Variants in RBFOX1 observed in about 807,000 individuals in gnomAD.
RBFOX1 encodes the protein RNA binding fox-1 homolog 1, also known as RNA binding protein fox-1 homolog 1.
RBFOX1 carries 8 observed loss-of-function variants against 57.7 expected under a neutral mutation model. That is an observed-to-expected ratio of 0.14 (90% CI 0.08 to 0.25). The LOEUF is 0.25. Ranked by LOEUF, RBFOX1 falls within the 10% of genes least tolerant of loss-of-function variation. The pLI, the probability that RBFOX1 is intolerant of heterozygous loss-of-function variation, is 1.00. For synonymous variants in RBFOX1, 326 were observed against 222.4 expected (o/e 1.47, Z -4.15); for missense variants, 611 against 548.5 (o/e 1.11, Z -1.14).
At chr16:6,211,692 G>A (rs1396679183) in intron 1 of RBFOX1, among the ~76,000 whole-genome samples, 1 of 152,114 alleles carries the variant, frequency 6.6e-6, no homozygotes, top group East Asian at 1.9e-4. Flanking sequence ...CTATCTTTGA[G>A]TTTAGGATAG....
chr16:7,024,237 G>T (rs747881828), intron 3 of RBFOX1, among the ~76,000 whole-genome samples: 1 of 151,998 alleles, frequency 6.6e-6, no homozygotes, highest in African/African-American at 2.4e-5. Flanking sequence ...CACTCATATC[G>T]TGCTCTGGAC....
intron 3 of RBFOX1, among the ~76,000 whole-genome samples, chr16:5,682,472 T>C (rs903947128): frequency 6.6e-6 from 1 of 152,198 alleles, no homozygotes; most frequent in African/African-American, 2.4e-5. Flanking sequence ...AATCGGTCCG[T>C]CTAGGTTTCT....
intron 1 of RBFOX1, among the ~76,000 whole-genome samples, chr16:6,195,573 G>A (rs2097174589): frequency 6.6e-6 from 1 of 152,068 alleles, no homozygotes; most frequent in South Asian, 2.1e-4. Context: ...CAAAAAATTA[G>A]CCAGGCGTGG....
intron 4 of RBFOX1, among the ~76,000 whole-genome samples, chr16:7,371,060 C>G (rs987550881): frequency 6.6e-6 from 1 of 152,156 alleles, no homozygotes; most frequent in Admixed American, 6.5e-5. Context: ...TTCTCCTCTC[C>G]TCTAAGCACC....
chr16:7,465,125 T>C (rs563935935), intron 4 of RBFOX1, among the ~76,000 whole-genome samples: 1 of 152,332 alleles, frequency 6.6e-6, no homozygotes, highest in African/African-American at 2.4e-5. Flanking sequence ...AGTTATTTTC[T>C]ACGTCAGGGG....
At chr16:5,808,343 C>G (rs1043265468) in intron 3 of RBFOX1, among the ~76,000 whole-genome samples, 2 of 152,168 alleles carry the variant, frequency 1.3e-5, no homozygotes, top group Non-Finnish European at 2.9e-5. Context: ...AGTTTGAAGT[C>G]AGGTAGCTTG....
At chr16:7,249,304 G>C (rs1027826790) in intron 4 of RBFOX1, among the ~76,000 whole-genome samples, 2 of 151,892 alleles carry the variant, frequency 1.3e-5, no homozygotes, top group Non-Finnish European at 2.9e-5. Context: ...GATGAACCCT[G>C]AAAGTGGTGC....
At chr16:6,923,975 TC>T (rs1170684183) in intron 3 of RBFOX1, among the ~76,000 whole-genome samples, 3 of 151,600 alleles carry the variant, frequency 2.0e-5, no homozygotes, top group African/African-American at 7.3e-5. Flanking sequence ...TTTGAGACCA[TC>T]CTGGCCAACA....
chr16:5,524,110 G>A (rs1421281855), intron 2 of RBFOX1, among the ~76,000 whole-genome samples: 1 of 152,206 alleles, frequency 6.6e-6, no homozygotes, highest in Admixed American at 6.5e-5. Flanking sequence ...AGCCTCACAG[G>A]ATGCAATAAA....
intron 3 of RBFOX1, among the ~76,000 whole-genome samples, chr16:6,805,855 T>A (rs1157388417): frequency 6.6e-6 from 1 of 152,180 alleles, no homozygotes; most frequent in Non-Finnish European, 1.5e-5. Flanking sequence ...CTCCTTACAG[T>A]CACACTTGGC....
chr16:7,653,623 A>T (rs2065595427), intron 11 of RBFOX1, among the ~76,000 whole-genome samples, 192 bp from the exon 12 acceptor site: 1 of 152,078 alleles, frequency 6.6e-6, no homozygotes, highest in African/African-American at 2.4e-5. Flanking sequence ...TGTGTTAACT[A>T]CTCATCCTCT....
chr16:6,893,187 G>C (rs1335317235), intron 3 of RBFOX1, among the ~76,000 whole-genome samples: 1 of 152,058 alleles, frequency 6.6e-6, no homozygotes, highest in Non-Finnish European at 1.5e-5. Context: ...AGTGGAGTGA[G>C]TTTACAGGAA....
chr16:7,181,210 T>C (rs541272079), intron 4 of RBFOX1, among the ~76,000 whole-genome samples: 4 of 151,994 alleles, frequency 2.6e-5, no homozygotes, highest in South Asian at 2.1e-4. Flanking sequence ...ACAATCTCTC[T>C]AGATGTTAAA....
chr16:5,726,808 T>G (rs1446744147), intron 3 of RBFOX1, among the ~76,000 whole-genome samples: 1 of 152,222 alleles, frequency 6.6e-6, no homozygotes, highest in Non-Finnish European at 1.5e-5. Context: ...CTTTGCCCCT[T>G]TACACATTGA....
At chr16:7,224,156 A>AAT (rs1263506201) in intron 4 of RBFOX1, among the ~76,000 whole-genome samples, 1 of 147,606 alleles carries the variant, frequency 6.8e-6, no homozygotes, top group Non-Finnish European at 1.5e-5. Context: ...AAAAAAAAAA[A>AAT]GGCTCAGTTG....
At chr16:6,006,015 T>C (rs1351319388) in intron 4 of RBFOX1, among the ~76,000 whole-genome samples, 1 of 152,166 alleles carries the variant, frequency 6.6e-6, no homozygotes, top group Non-Finnish European at 1.5e-5. Context: ...GAGAGTCTTG[T>C]ATGGTAAGCA....
intron 3 of RBFOX1, among the ~76,000 whole-genome samples, chr16:5,846,687 G>C (rs4786783): frequency 0.2 from 30,149 of 152,074 alleles, 3,461 homozygotes; most frequent in African/African-American, 0.31. Flanking sequence ...CTTCCAGCTG[G>C]TTCTTATTAT....
At chr16:6,428,285 C>CAAAAAAAA (rs755273285) in intron 2 of RBFOX1, among the ~76,000 whole-genome samples, 3 of 51,230 alleles carry the variant, frequency 5.9e-5, no homozygotes, top group South Asian at 6.7e-4. Context: ...GACCTTGTCT[C>CAAAAAAAA]AAAAAAAAAA....
chr16:7,071,169 C>G (rs1055256589), intron 4 of RBFOX1, among the ~76,000 whole-genome samples: 1 of 152,116 alleles, frequency 6.6e-6, no homozygotes, highest in African/African-American at 2.4e-5. Context: ...TCCGTTTTGA[C>G]TAGTATTGGT....
Sources: allele counts gnomAD v4.1 joint callset (sites outside exome capture counted in the v4.1 genomes callset), GRCh38; gene constraint gnomAD v4.1.1; transcripts MANE v1.5; gene names NCBI Gene and HGNC (gene_info 2026-07-23, HGNC 2026-07-21).